TIMM44: variants seen among roughly 807,000 people sequenced by gnomAD.
TIMM44 encodes the protein mitochondrial import inner membrane translocase subunit TIM44.
A neutral mutation model predicts 63.8 loss-of-function variants in TIMM44; 37 were observed. The observed-to-expected ratio is 0.58, with a 90% confidence interval of 0.45 to 0.76. The LOEUF (loss-of-function observed/expected upper bound fraction) is 0.76. TIMM44 is among the 30% of genes least tolerant of loss of function. The pLI, the probability that TIMM44 is intolerant of heterozygous loss-of-function variation, is 0.00. For missense variants in TIMM44, 573 were observed against 603.8 expected (o/e 0.95, Z 0.54); for synonymous variants, 239 against 245.1 (o/e 0.98, Z 0.23).
chr19:7,934,029 G>T lies in TIMM44; in HGVS notation c.544-26C>A. The T allele has an allele frequency of 6.2e-7, 1 of 1,613,720 alleles. No homozygotes were observed. Among genetic ancestry groups the T allele is most frequent in the African/African-American group, 1.3e-5 (1 of 75,066 alleles). On this transcript the variant is annotated intron_variant, in intron 5 of 12. Coordinates refer to ENST00000270538, the MANE Select transcript of TIMM44 (RefSeq NM_006351.4). The surrounding 1 kb of genome is among the most constrained non-coding windows in gnomAD (Gnocchi z 5.3). Reference sequence around the variant, plus strand: ...CTGCGAGGGAGGCACAGCGGGGCTGGGGTGGGTGTCTGGGTTCGGCCGCCC... The same window carrying T: ...CTGCGAGGGAGGCACAGCGGGGCTGTGGTGGGTGTCTGGGTTCGGCCGCCC...
chr19:7,939,612 CAAAA>C (rs34322159), intron 2 of TIMM44, among the ~76,000 whole-genome samples: 3 of 91,196 alleles, frequency 3.3e-5, no homozygotes, highest in Admixed American at 1.2e-4. Flanking sequence ...GACTCCATCT[CAAAA>C]AAAAAAAAAA....
chr19:7,935,260 G>T, intron 3 of TIMM44, 115 bp from the exon 4 acceptor site: 1 of 956,252 alleles, frequency 1.0e-6, no homozygotes, highest in Non-Finnish European at 1.6e-6. Flanking sequence ...CCTCCTGCCA[G>T]ATTCAAGCGA....
chr19:7,936,671 CAATT>C, intron 3 of TIMM44, among the ~76,000 whole-genome samples: 1 of 152,174 alleles, frequency 6.6e-6, no homozygotes, highest in East Asian at 1.9e-4. Context: ...AGAGAAGTGA[CAATT>C]AATAATGACA....
rs1338308509 is a variant in TIMM44, at chr19:7,928,122, C to T, written c.1083G>A (p.Leu361=). 1 of 1,614,068 alleles carries T rather than the reference C, an allele frequency of 6.2e-7. No individual in the cohort carries two copies. Among genetic ancestry groups the T allele is most frequent in the Non-Finnish European group, 8.5e-7 (1 of 1,179,982 alleles). The change falls in exon 11 of 13, where the codon CTG becomes CTA. Residue 361 remains leucine (L), a synonymous_variant. Transcript: ENST00000270538. The part of the protein sequence containing the change: ...LAHPIQQAKA[L]GLQFHSRILD... The stretch of plus-strand genomic sequence containing the variant: ...GGATGCGAGAATGGAACTGGAGACC[C>T]AGTGCCTTGGCCTGCTGGATGGGGT...
At chr19:7,931,515 A>C (rs1377689979) in intron 9 of TIMM44, 1 of 390,064 alleles carries the variant, frequency 2.6e-6, no homozygotes, top group Non-Finnish European at 4.8e-6. Context: ...CTGGTCAGGA[A>C]TCCAAGCCAG....
Position 7,941,639 on chromosome 19 carries a change from A to C in TIMM44, c.46-442T>G, listed in dbSNP as rs555818323. Among the ~76,000 whole-genome samples the C allele has an allele frequency of 5.9e-5, 9 of 151,836 alleles. No individual in the cohort carries two copies. In the South Asian group the frequency reaches 1.7e-3, roughly 28 times the overall value. On this transcript the variant is annotated intron_variant, in intron 1 of 12. Coordinates refer to ENST00000270538, the MANE Select transcript of TIMM44 (RefSeq NM_006351.4). ...CCTGATGCATGCCGGGCACTCTGTAATCTTCCCAAAGTCTGAGAAGCAAGC... is the reference window on the plus strand; with the variant it reads ...CCTGATGCATGCCGGGCACTCTGTACTCTTCCCAAAGTCTGAGAAGCAAGC...
At chr19:7,930,582 A>G (rs1983952532) in intron 10 of TIMM44, among the ~76,000 whole-genome samples, 3 of 152,142 alleles carry the variant, frequency 2.0e-5, no homozygotes, top group African/African-American at 7.2e-5. Flanking sequence ...CTGGGATTAC[A>G]GGCATGAGCC....
chr19:7,943,612 G>C lies in TIMM44; in HGVS notation c.40C>G (p.Pro14Ala), dbSNP rs1429797523. ...AALRSGWCRC[P>A]RRCLGSGIQF... Reference sequence around the variant, plus strand: ...AGCGCCGCACCGCCGCTCACCCGTGGACAGCGGCACCAGCCACTCCGCAGG... The same window carrying C: ...AGCGCCGCACCGCCGCTCACCCGTGCACAGCGGCACCAGCCACTCCGCAGG... The change falls in exon 1 of 13, where the codon CCA becomes GCA. Residue 14 changes from proline to alanine, a missense_variant. Physicochemically the swap from Pro to Ala is conservative, Grantham distance 27. Coordinates refer to ENST00000270538, the MANE Select transcript of TIMM44 (RefSeq NM_006351.4). The surrounding 1 kb of genome is among the most constrained non-coding windows in gnomAD (Gnocchi z 4.3). 4 of 1,562,348 alleles carry C rather than the reference G, an allele frequency of 2.6e-6. No homozygotes were observed. The highest frequency in any genetic ancestry group is 2.6e-6 in the Non-Finnish European group (3 of 1,161,102).
rs1432938088 is a variant in TIMM44, at chr19:7,943,100, A to G, written c.45+507T>C. 6.6e-6 allele frequency among the ~76,000 whole-genome samples: 1 copy of G among 151,826 alleles called. No homozygotes were observed. The highest frequency in any genetic ancestry group is 1.5e-5 in the Non-Finnish European group (1 of 67,978). On this transcript the variant is annotated intron_variant, in intron 1 of 12. Coordinates refer to ENST00000270538, the MANE Select transcript of TIMM44 (RefSeq NM_006351.4). The surrounding 1 kb of genome is among the most constrained non-coding windows in gnomAD (Gnocchi z 4.3). Reference sequence around the variant, plus strand: ...AAGAGCACGAGCAATATGAAGTACTACTTTCTGAGTGCGCCTTACACGTCT... The same window carrying G: ...AAGAGCACGAGCAATATGAAGTACTGCTTTCTGAGTGCGCCTTACACGTCT...
At position 7,932,657 on chromosome 19, in the gene TIMM44, G is replaced by A. The variant is rs566101859; in HGVS notation, c.957C>T (p.Cys319=). 24 of 1,613,934 alleles carry A rather than the reference G, an allele frequency of 1.5e-5. No homozygotes were observed. The highest frequency in any genetic ancestry group is 4.4e-5 in the South Asian group (4 of 91,086). ...GGACATTGGGGATGATGTCGTTCTC[G>A]CACTGTTTCAGAAACCGGTCCTTGT... ...AFDKDRFLKQ[C]ENDIIPNVLE... is the part of the protein sequence containing the mutation. The change falls in exon 9 of 13, where the codon TGC becomes TGT. Residue 319 remains cysteine (C), a synonymous_variant. Coordinates refer to ENST00000270538, the MANE Select transcript of TIMM44 (RefSeq NM_006351.4).
At chr19:7,939,779 G>C (rs1006440194) in intron 2 of TIMM44, among the ~76,000 whole-genome samples, 1 of 152,096 alleles carries the variant, frequency 6.6e-6, no homozygotes, top group Non-Finnish European at 1.5e-5. Flanking sequence ...AGCCAGGTGT[G>C]GCGGCGCCTG....
intron 11 of TIMM44, 51 bp from the exon 12 acceptor site, chr19:7,927,818 T>C: frequency 6.3e-7 from 1 of 1,574,896 alleles, no homozygotes; most frequent in Non-Finnish European, 8.7e-7. Flanking sequence ...GCCCGGCTGC[T>C]CCCCTGGAGG....
intron 11 of TIMM44, 78 bp downstream of exon 11, chr19:7,927,999 A>G (rs1983863550): frequency 7.0e-7 from 1 of 1,423,004 alleles, no homozygotes; most frequent in Admixed American, 1.9e-5. Context: ...GCCCCTGGCA[A>G]GGCCACCTCC....
chr19:7,928,414 T>C (rs1000558560), intron 10 of TIMM44: 1 of 527,754 alleles, frequency 1.9e-6, no homozygotes, highest in Non-Finnish European at 3.4e-6. Context: ...ATCAGCAAAG[T>C]GGGTGATTCT....
chr19:7,933,492 C>T lies in TIMM44; in HGVS notation c.762G>A (p.Val254=). 6.2e-7 allele frequency: 1 copy of T among 1,614,144 alleles called. No homozygotes were observed. The highest frequency in any genetic ancestry group is 8.5e-7 in the Non-Finnish European group (1 of 1,179,990). The change falls in exon 7 of 13, where the codon GTG becomes GTA. Residue 254 remains valine (V), a synonymous_variant. Coordinates refer to ENST00000270538, the MANE Select transcript of TIMM44 (RefSeq NM_006351.4). This position sits in a 1 kb window ranked among gnomAD's most constrained non-coding sequence, Gnocchi z 4.3. ...CAAGACACCTTCACTCACGGTTAAA[C>T]ACCACGTTGTTCTCCTTGAAGTCCT... ...QWKDFKENNV[V]FNRFFEMKMK...
rs752083905 is a variant in TIMM44 at position 7,935,141 on chromosome 19, G to A, written c.317C>T (p.Thr106Ile). The A allele has an allele frequency of 4.4e-6, 7 of 1,585,600 alleles. No individual in the cohort carries two copies. In the African/African-American group the frequency reaches 5.4e-5, roughly 12 times the overall value. Reference sequence around the variant, plus strand: ...CGTCCGCACGGTTTCTGACTCGATGGTTTTCTAGGTAAAGAGCGCTGTGTC... The same window carrying A: ...CGTCCGCACGGTTTCTGACTCGATGATTTTCTAGGTAAAGAGCGCTGTGTC... Reference protein sequence around the residue: ...VLQEARRKYKTIESETVRTSE... With the variant: ...VLQEARRKYKIIESETVRTSE... The change falls in exon 4 of 13, where the codon ACC becomes ATC. Residue 106 changes from threonine (T) to isoleucine (I), a missense_variant. By Grantham distance (89) the Thr-to-Ile change is moderately conservative. Coordinates refer to ENST00000270538, the MANE Select transcript of TIMM44 (RefSeq NM_006351.4).
At chr19:7,927,593 G>T in intron 12 of TIMM44, 64 bp downstream of exon 12, 1 of 1,492,358 alleles carries the variant, frequency 6.7e-7, no homozygotes, top group Non-Finnish European at 9.3e-7. Flanking sequence ...CTGCCAGGTG[G>T]CCACACACAG....
In TIMM44 at chr19:7,943,072, A is replaced by C. The variant is rs1365459507; in HGVS notation, c.45+535T>G. Among the ~76,000 whole-genome samples, 1 of 151,550 alleles carries C rather than the reference A, an allele frequency of 6.6e-6. No individual in the cohort carries two copies. The highest frequency in any genetic ancestry group is 2.4e-5 in the African/African-American group (1 of 41,274). ...AAAAAAAAAAGAGAAAAAAGAAAAA[A>C]CGAAGAGCACGAGCAATATGAAGTA... On this transcript the variant is annotated intron_variant, in intron 1 of 12. Coordinates refer to ENST00000270538, the MANE Select transcript of TIMM44 (RefSeq NM_006351.4). This position sits in a 1 kb window ranked among gnomAD's most constrained non-coding sequence, Gnocchi z 4.3.
chr19:7,928,929 A>AAAAAAAAAAAAAAC (rs1568293967), intron 10 of TIMM44: 1 of 132,502 alleles, frequency 7.5e-6, no homozygotes. Flanking sequence ...AAACCAAAAA[A>AAAAAAAAAAAAAAC]AAAAAAAAAA....
Sources: gnomAD v4.1 joint callset for allele counts (sites outside exome capture counted in the v4.1 genomes callset) on GRCh38, gnomAD v4.1.1 for gene constraint, Gnocchi (gnomAD v3.1) non-coding constraint, MANE v1.5 for transcripts, NCBI Gene and HGNC (gene_info 2026-07-23, HGNC 2026-07-21) for gene names.